The following CELF4 variants were observed in gnomAD, a reference collection of about 807,000 sequenced individuals.
The protein encoded by CELF4 is CUG-BP- and ETR-3-like factor 4.
CELF4 carries 18 observed loss-of-function variants against 59.9 expected under a neutral mutation model. The observed-to-expected ratio is 0.30, with a 90% confidence interval of 0.21 to 0.45. The LOEUF is 0.45. CELF4 is among the 20% of genes least tolerant of loss of function. CELF4 has a pLI of 1.00. For synonymous variants in CELF4, 261 were observed against 267.1 expected (o/e 0.98, Z 0.22); for missense variants, 456 against 689.0 (o/e 0.66, Z 3.79).
intron 1 of CELF4, among the ~76,000 whole-genome samples, chr18:37,536,914 G>A (rs946873480): frequency 6.6e-6 from 1 of 152,174 alleles, no homozygotes; most frequent in East Asian, 1.9e-4. Context: ...CCTTGCCAGG[G>A]GGTGCTGGCT....
chr18:37,256,078 C>T (rs2069177768), intron 11 of CELF4, among the ~76,000 whole-genome samples: 1 of 152,146 alleles, frequency 6.6e-6, no homozygotes, highest in South Asian at 2.1e-4. Flanking sequence ...GACTGGAGGC[C>T]CCTGTGGCAG....
At chr18:37,295,499 C>A (rs1427342802) in intron 3 of CELF4, among the ~76,000 whole-genome samples, 3 of 152,222 alleles carry the variant, frequency 2.0e-5, no homozygotes, top group Non-Finnish European at 4.4e-5. Flanking sequence ...AGGTCAGAGA[C>A]CACTCCATGC....
intron 2 of CELF4, among the ~76,000 whole-genome samples, chr18:37,445,835 T>C (rs2099746614): frequency 6.6e-6 from 1 of 152,174 alleles, no homozygotes. Context: ...GGAAGCCTCA[T>C]GTCGCCTGTG....
At chr18:37,534,073 C>T (rs1239060642) in intron 1 of CELF4, among the ~76,000 whole-genome samples, 3 of 152,218 alleles carry the variant, frequency 2.0e-5, no homozygotes, top group African/African-American at 7.2e-5. Flanking sequence ...TCTCTCATTC[C>T]TTACTGACAG....
At chr18:37,294,801 C>A (rs1028595654) in intron 3 of CELF4, among the ~76,000 whole-genome samples, 1 of 152,206 alleles carries the variant, frequency 6.6e-6, no homozygotes, top group Non-Finnish European at 1.5e-5. Flanking sequence ...GAAATACAAC[C>A]TAATTTATGG....
intron 8 of CELF4, among the ~76,000 whole-genome samples, chr18:37,269,746 T>C (rs2090209156): frequency 6.6e-6 from 1 of 152,234 alleles, no homozygotes. Flanking sequence ...TGTCCATTCA[T>C]TGGGATCTTT....
chr18:37,423,060 G>A (rs1187670586), intron 2 of CELF4, among the ~76,000 whole-genome samples: 17 of 41,730 alleles, frequency 4.1e-4, no homozygotes, highest in East Asian at 1.1e-3. Flanking sequence ...ACATGCGCGC[G>A]CGCGCACACA....
At position 37,478,843 on chromosome 18, in the gene CELF4, C is replaced by A. The variant is rs561629820; in HGVS notation, c.369+6682G>T. ...TTCCCTTCTGTATAATGAGCCCAGG[C>A]TGGTGTTCTGTGGTGAAGGTCCTGT... is the stretch of plus-strand genomic sequence containing the variant. On this transcript the variant is annotated intron_variant, in intron 2 of 12. Transcript: ENST00000420428. Among the ~76,000 whole-genome samples the A allele has an allele frequency of 9.5e-4, 145 of 152,324 alleles. 1 individual carries two copies. Among genetic ancestry groups the A allele is most frequent in the African/African-American group, 3.0e-3 (126 of 41,574 alleles).
intron 2 of CELF4, among the ~76,000 whole-genome samples, chr18:37,453,012 C>G (rs930759478): frequency 1.8e-4 from 28 of 152,236 alleles, no homozygotes; most frequent in African/African-American, 6.3e-4. Context: ...ATTCCAGACC[C>G]TCCAGATGAG....
At chr18:37,442,097 G>A (rs1014624573) in intron 2 of CELF4, among the ~76,000 whole-genome samples, 6 of 152,168 alleles carry the variant, frequency 3.9e-5, no homozygotes, top group Non-Finnish European at 5.9e-5. Flanking sequence ...GCACAAAGCT[G>A]GGCCTGGCCA....
chr18:37,565,625 G>C lies in CELF4; in HGVS notation c.17C>G (p.Ala6Gly). The C allele has an allele frequency of 6.2e-7, 1 of 1,602,048 alleles. No homozygotes were observed. The highest frequency in any genetic ancestry group is 8.5e-7 in the Non-Finnish European group (1 of 1,172,740). MYIKM[A>G]TLANGQADNA... ...GTCAGCCTGTCCGTTTGCTAACGTG[G>C]CCATCTTTATATACATAGAGAAAAT... Residue 6 changes from alanine to glycine, a missense_variant, in exon 1 of 13, where the codon GCC (alanine) becomes GGC (glycine). Ala to Gly is a moderately conservative substitution (Grantham distance 60). Around this residue, in one of 7 missense-constraint regions of CELF4, gnomAD observed 70 missense variants for 69.5 expected, o/e 1.01. Coordinates refer to ENST00000420428, the MANE Select transcript of CELF4 (RefSeq NM_020180.4).
chr18:37,526,882 T>TG (rs2099964477), intron 1 of CELF4, among the ~76,000 whole-genome samples: 2 of 112,190 alleles, frequency 1.8e-5, no homozygotes, highest in African/African-American at 6.4e-5. Context: ...TTATGAAAAC[T>TG]CGATTTGCAA....
At chr18:37,325,024 G>C (rs1187642592) in intron 2 of CELF4, among the ~76,000 whole-genome samples, 3 of 152,154 alleles carry the variant, frequency 2.0e-5, no homozygotes, top group Non-Finnish European at 4.4e-5. Flanking sequence ...CCAGGAGTGT[G>C]GGGGAAAGAG....
rs561464294 is a variant in CELF4 at position 37,243,186 on chromosome 18, C to CTTTTTTTTTTTTTTTTTTTTTTGT, written c.*2055_*2056insACAAAAAAAAAAAAAAAAAAAAAA. The CTTTTTTTTTTTTTTTTTTTTTTGT allele has an allele frequency of 9.9e-6, 1 of 100,554 alleles. No individual in the cohort carries two copies. Among genetic ancestry groups the CTTTTTTTTTTTTTTTTTTTTTTGT allele is most frequent in the Non-Finnish European group, 1.9e-5 (1 of 52,220 alleles). 6.2% of individuals were successfully genotyped at this position (100,554 alleles called of 1,614,324 possible). A position where few individuals can be genotyped will look rare whatever the true frequency, so the allele number is the denominator to read the frequency against. ...TGTTTTCTTTTTTTTTTCTTTTTTT[C>CTTTTTTTTTTTTTTTTTTTTTTGT]TTTTTTTTTTTTTTTTTTTTACATC... is the stretch of plus-strand genomic sequence containing the variant. On this transcript the variant is annotated 3_prime_UTR_variant, in exon 13 of 13. Transcript: ENST00000420428.
At position 37,243,874 on chromosome 18, in the gene CELF4, C is replaced by T. The variant is rs2061100701; in HGVS notation, c.*1368G>A. 1 of 182,758 alleles carries T rather than the reference C, an allele frequency of 5.5e-6. No individual in the cohort carries two copies. The allele number at this position is 182,758 out of a possible 1,614,324, so 11.3% of individuals were successfully genotyped here. A position where few individuals can be genotyped will look rare whatever the true frequency, so the allele number is the denominator to read the frequency against. ...TGAAGCGGAAGGTGAGTGAAGCGCGCGCAGCTCCCAGAGGGAAGCGAGAGG... is the reference window on the plus strand; with the variant it reads ...TGAAGCGGAAGGTGAGTGAAGCGCGTGCAGCTCCCAGAGGGAAGCGAGAGG... On this transcript the variant is annotated 3_prime_UTR_variant, in exon 13 of 13. Transcript: ENST00000420428.
rs775891122 is a variant in CELF4 at position 37,254,448 on chromosome 18, G to A, written c.1334-510C>T. ...GCCGCCGAGAAACTTCTCCACCGCCGGCCCGGCCGCCCCCCTCGCCACCGC... is the reference window on the plus strand; with the variant it reads ...GCCGCCGAGAAACTTCTCCACCGCCAGCCCGGCCGCCCCCCTCGCCACCGC... On this transcript the variant is annotated intron_variant, in intron 11 of 12. Coordinates refer to ENST00000420428, the MANE Select transcript of CELF4 (RefSeq NM_020180.4). The surrounding 1 kb of genome is among the most constrained non-coding windows in gnomAD (Gnocchi z 5.1). Among the ~76,000 whole-genome samples the A allele has an allele frequency of 4.8e-4, 73 of 151,784 alleles. No individual in the cohort carries two copies. The highest frequency in any genetic ancestry group is 8.8e-4 in the Non-Finnish European group (60 of 67,858).
intron 2 of CELF4, among the ~76,000 whole-genome samples, chr18:37,350,878 C>T (rs1291973155): frequency 6.6e-6 from 1 of 152,156 alleles, no homozygotes; most frequent in African/African-American, 2.4e-5. Context: ...AGGGCATGGT[C>T]AGGATTCCAC....
intron 2 of CELF4, among the ~76,000 whole-genome samples, chr18:37,483,415 C>T (rs1029510660): frequency 6.6e-6 from 1 of 152,084 alleles, no homozygotes; most frequent in Non-Finnish European, 1.5e-5. Context: ...TTTTTGAGGC[C>T]ATGAGTTTCC....
chr18:37,283,801 A>G, intron 3 of CELF4, among the ~76,000 whole-genome samples: 1 of 151,580 alleles, frequency 6.6e-6, no homozygotes, highest in East Asian at 2.0e-4. Flanking sequence ...TGAATGATCC[A>G]TGGGCAGGGT....
Sources: allele counts gnomAD v4.1 joint callset (sites outside exome capture counted in the v4.1 genomes callset), GRCh38; gene constraint gnomAD v4.1.1; regional missense constraint gnomAD v4.1.1; non-coding constraint Gnocchi (gnomAD v3.1); transcripts MANE v1.5; gene names NCBI Gene and HGNC (gene_info 2026-07-23, HGNC 2026-07-21).